The following RARS2 variants were observed in gnomAD, a reference collection of about 807,000 sequenced individuals.
RARS2 encodes the protein arginyl-tRNA synthetase 2, mitochondrial.
A neutral mutation model predicts 88.5 loss-of-function variants in RARS2; 67 were observed. That is an observed-to-expected ratio of 0.76 (90% CI 0.62 to 0.93). RARS2 has a LOEUF of 0.93. Among genes scored for constraint, RARS2 ranks in the 40% least tolerant of loss-of-function variants. The pLI is 0.00. For synonymous variants in RARS2, 239 were observed against 230.3 expected, an observed-to-expected ratio of 1.04 and a Z score of -0.34; for missense variants, 664 against 684.2, an observed-to-expected ratio of 0.97 and a Z score of 0.33.
chr6:87,566,157 A>T (rs1029137499), intron 2 of RARS2, among the ~76,000 whole-genome samples: 25 of 152,222 alleles, frequency 1.6e-4, no homozygotes, highest in Non-Finnish European at 2.9e-4. Context: ...AAGAAAAAAA[A>T]TTTATATTAA....
At chr6:87,562,832 TAATGAG>T in intron 3 of RARS2, 47 bp from the exon 4 acceptor site, 1 of 1,393,316 alleles carries the variant, frequency 7.2e-7, no homozygotes, top group Non-Finnish European at 1.0e-6. Flanking sequence ...ATAATAGGCC[TAATGAG>T]ATAGGTAGTT....
intron 7 of RARS2, among the ~76,000 whole-genome samples, chr6:87,542,940 T>C (rs1034796728): frequency 6.6e-6 from 1 of 151,778 alleles, no homozygotes; most frequent in Non-Finnish European, 1.5e-5. Context: ...GTTGTGCACA[T>C]GTACCCTAGA....
At chr6:87,564,275 A>T in intron 2 of RARS2, 43 bp from the exon 3 acceptor site, 2 of 1,386,690 alleles carry the variant, frequency 1.4e-6, no homozygotes, top group Non-Finnish European at 2.0e-6. Flanking sequence ...TTACCTTAAA[A>T]GCATTAGTTG....
chr6:87,556,654 T>C (rs1295459172), intron 4 of RARS2, among the ~76,000 whole-genome samples: 2 of 151,430 alleles, frequency 1.3e-5, no homozygotes, highest in African/African-American at 2.4e-5. Context: ...TAACCAGACA[T>C]GGTGGCATGC....
intron 7 of RARS2, among the ~76,000 whole-genome samples, chr6:87,543,126 AC>A (rs1781540620): frequency 6.6e-6 from 1 of 151,016 alleles, no homozygotes; most frequent in African/African-American, 2.4e-5. Context: ...ACAAGGAGAA[AC>A]CCTGTCTCTA....
At chr6:87,572,561 C>CT (rs922424680) in intron 1 of RARS2, among the ~76,000 whole-genome samples, 6 of 151,418 alleles carry the variant, frequency 4.0e-5, no homozygotes, top group African/African-American at 1.5e-4. Context: ...TCTTCTTCTT[C>CT]TTTTTTTTTC....
intron 5 of RARS2, among the ~76,000 whole-genome samples, chr6:87,550,177 C>G (rs929678490): frequency 1.3e-5 from 2 of 151,942 alleles, no homozygotes; most frequent in Non-Finnish European, 2.9e-5. Flanking sequence ...TAAAAAAAAA[C>G]CTTCCATTTC....
intron 8 of RARS2, among the ~76,000 whole-genome samples, chr6:87,537,490 GTTAC>G (rs1207871831): frequency 6.6e-6 from 1 of 152,108 alleles, no homozygotes; most frequent in Non-Finnish European, 1.5e-5. Flanking sequence ...TCCTATAATA[GTTAC>G]TTATTTCCTG....
Position 87,551,049 on chromosome 6 carries a change from CA to C in RARS2, c.396-2404del, listed in dbSNP as rs962888732. ...AGAAAAACAAAAACAAAAACAAAAACAAAAAAAAACTTTCACAGAGCTTTCC... is the reference window on the plus strand; with the variant it reads ...AGAAAAACAAAAACAAAAACAAAAACAAAAAAAACTTTCACAGAGCTTTCC... On this transcript the variant is annotated intron_variant, in intron 5 of 19. Coordinates refer to ENST00000369536, the MANE Select transcript of RARS2 (RefSeq NM_020320.5). Among the ~76,000 whole-genome samples, 804 of 150,954 alleles carry C rather than the reference CA, an allele frequency of 5.3e-3. 3 individuals are homozygous for C. Among genetic ancestry groups the C allele is most frequent in the African/African-American group, 0.019 (769 of 41,218 alleles).
intron 8 of RARS2, among the ~76,000 whole-genome samples, chr6:87,537,974 T>C (rs563981006): frequency 2.0e-5 from 3 of 152,354 alleles, no homozygotes; most frequent in Admixed American, 6.5e-5. Context: ...TAAATTGAGT[T>C]GTTGACATTC....
chr6:87,552,848 G>A (rs1004769964), intron 5 of RARS2, among the ~76,000 whole-genome samples: 16 of 152,074 alleles, frequency 1.1e-4, no homozygotes, highest in Admixed American at 3.9e-4. Flanking sequence ...ATGAATGTAC[G>A]GTAACAGGTA....
At chr6:87,556,087 T>C (rs1000037701) in intron 4 of RARS2, among the ~76,000 whole-genome samples, 2 of 152,130 alleles carry the variant, frequency 1.3e-5, no homozygotes, top group African/African-American at 2.4e-5. Context: ...CCACAAGCAA[T>C]GGTAGGAAAA....
At chr6:87,535,419 G>T (rs62417667) in intron 8 of RARS2, among the ~76,000 whole-genome samples, 6 of 152,056 alleles carry the variant, frequency 3.9e-5, no homozygotes, top group African/African-American at 1.2e-4. Flanking sequence ...CATTGAATCG[G>T]TGCTTTGATC....
chr6:87,519,103 A>G, intron 14 of RARS2: 1 of 550,488 alleles, frequency 1.8e-6, no homozygotes, highest in Non-Finnish European at 3.2e-6. Flanking sequence ...TATTTATTCA[A>G]AAGATACTTG....
intron 14 of RARS2, among the ~76,000 whole-genome samples, 188 bp downstream of exon 14, chr6:87,519,395 T>C (rs986622475): frequency 2.0e-5 from 3 of 152,086 alleles, no homozygotes; most frequent in Non-Finnish European, 2.9e-5. Context: ...ATTCAGATTA[T>C]TGAAGTGACC....
rs756356971 is a variant in RARS2, at chr6:87,548,579, C to G, written c.451+12G>C. ...GGAACGTTTAGCATTTTATGTGAAACTAAACACTTACCTATGATGGTAGAA... is the reference window on the plus strand; with the variant it reads ...GGAACGTTTAGCATTTTATGTGAAAGTAAACACTTACCTATGATGGTAGAA... On this transcript the variant is annotated intron_variant, in intron 6 of 19. Transcript: ENST00000369536. The G allele has an allele frequency of 5.0e-6, 8 of 1,611,146 alleles. No individual in the cohort carries two copies. The highest frequency in any genetic ancestry group is 2.7e-5 in the African/African-American group (2 of 74,964).
At position 87,530,792 on chromosome 6, in the gene RARS2, C is replaced by T. The variant is rs779929459; in HGVS notation, c.763G>A (p.Val255Ile). Residue 255 changes from valine to isoleucine, a missense_variant, in exon 9 of 20, where the codon GTT becomes ATT. Val to Ile is a conservative substitution (Grantham distance 29). Transcript: ENST00000369536. The part of the protein sequence containing the change: ...RDLSIEEYIR[V>I]YKRLGVYFDE... ...GGAGGGTCAACCAATACCTTGTAAACCCGAATGTACTCTTCAATGCTCAAG... is the reference window on the plus strand; with the variant it reads ...GGAGGGTCAACCAATACCTTGTAAATCCGAATGTACTCTTCAATGCTCAAG... 2.5e-6 allele frequency: 4 copies of T among 1,614,162 alleles called. No individual in the cohort carries two copies. The Admixed American group carries it at 6.7e-5, about 27-fold the overall frequency.
At chr6:87,551,134 T>C (rs1784198917) in intron 5 of RARS2, among the ~76,000 whole-genome samples, 1 of 152,188 alleles carries the variant, frequency 6.6e-6, no homozygotes, top group Non-Finnish European at 1.5e-5. Flanking sequence ...TTTGACAAAA[T>C]GTCCCTTGAA....
chr6:87,525,592 C>T (rs1487987987), intron 10 of RARS2, among the ~76,000 whole-genome samples: 1 of 149,814 alleles, frequency 6.7e-6, no homozygotes, highest in Admixed American at 6.7e-5. Flanking sequence ...GTTGCCCAGG[C>T]TGGAGTGGTG....
Sources: allele counts gnomAD v4.1 joint callset (sites outside exome capture counted in the v4.1 genomes callset), GRCh38; gene constraint gnomAD v4.1.1; transcripts MANE v1.5; gene names NCBI Gene and HGNC (gene_info 2026-07-23, HGNC 2026-07-21).